Variants in DDX46 observed in about 807,000 individuals in gnomAD.
The protein encoded by DDX46 is DEAD-box helicase 46.
A neutral mutation model predicts 134.9 loss-of-function variants in DDX46; 30 were observed. The observed-to-expected ratio is 0.22, with a 90% CI of 0.17 to 0.30. The LOEUF (loss-of-function observed/expected upper bound fraction) is 0.30, where lower values mean the gene tolerates loss of function less well. DDX46 is among the 10% of genes least tolerant of loss of function. The probability of loss-of-function intolerance (pLI) is 1.00; values close to 1 mark genes in which losing one functional copy is unlikely to be tolerated. For missense variants in DDX46, 622 were observed against 1,248.7 expected (o/e 0.50, Z 7.56); for synonymous variants, 415 against 404.1 (o/e 1.03, Z -0.32).
chr5:134,792,060 C>T (rs1431678477), intron 13 of DDX46, among the ~76,000 whole-genome samples: 1 of 152,024 alleles, frequency 6.6e-6, no homozygotes, highest in Non-Finnish European at 1.5e-5. Flanking sequence ...GCCTGTAATC[C>T]CAGCTACTTG....
chr5:134,811,639 AT>A, intron 17 of DDX46, 56 bp from the exon 18 acceptor site: 1 of 1,519,874 alleles, frequency 6.6e-7, no homozygotes, highest in Non-Finnish European at 8.8e-7. Context: ...ATTAGTATGA[AT>A]TCCTAAACAT....
intron 4 of DDX46, 34 bp from the exon 5 acceptor site, chr5:134,773,662 T>A (rs1050693056): frequency 6.5e-7 from 1 of 1,547,326 alleles, no homozygotes; most frequent in African/African-American, 1.4e-5. Flanking sequence ...CTTTTTATTT[T>A]CCCCCATCTC....
At chr5:134,811,957 G>A (rs1755157396) in intron 18 of DDX46, 112 bp downstream of exon 18, 3 of 1,363,586 alleles carry the variant, frequency 2.2e-6, no homozygotes, top group South Asian at 3.2e-5. Context: ...TTTACAAGAG[G>A]TTGGTTCCAG....
intron 19 of DDX46, chr5:134,817,230 A>G (rs1755309847): frequency 2.6e-6 from 1 of 381,518 alleles, no homozygotes; most frequent in Admixed American, 4.3e-5. Flanking sequence ...AGAGTTAGCT[A>G]ATTATCAACT....
At chr5:134,805,008 G>T in intron 15 of DDX46, 2 of 390,564 alleles carry the variant, frequency 5.1e-6, no homozygotes, top group East Asian at 6.0e-5. Context: ...AGATTTTGGT[G>T]CTTTCCCAAC....
intron 15 of DDX46, among the ~76,000 whole-genome samples, chr5:134,806,322 G>A (rs1337755210): frequency 2.0e-5 from 3 of 152,030 alleles, no homozygotes; most frequent in African/African-American, 7.2e-5. Context: ...CTCATTTGAT[G>A]TATACCTGAC....
At chr5:134,812,447 T>A (rs1306877069) in intron 18 of DDX46, among the ~76,000 whole-genome samples, 2 of 152,098 alleles carry the variant, frequency 1.3e-5, no homozygotes, top group African/African-American at 4.8e-5. Flanking sequence ...TCAGAACACT[T>A]TTGGACATAT....
intron 16 of DDX46, among the ~76,000 whole-genome samples, chr5:134,809,380 T>G (rs1361338664): frequency 1.3e-5 from 2 of 152,148 alleles, no homozygotes; most frequent in African/African-American, 4.8e-5. Flanking sequence ...TTGTTTTTGT[T>G]TTTTTGAGAT....
chr5:134,776,401 AAAAG>A (rs1753938192), intron 5 of DDX46, among the ~76,000 whole-genome samples: 3 of 152,206 alleles, frequency 2.0e-5, no homozygotes, highest in Admixed American at 1.3e-4. Context: ...GAAAAAAAAA[AAAAG>A]AATTACGAGA....
intron 9 of DDX46, 108 bp downstream of exon 9, chr5:134,783,173 T>A: frequency 7.0e-7 from 1 of 1,420,374 alleles, no homozygotes; most frequent in Non-Finnish European, 9.5e-7. Context: ...AACCCTTACG[T>A]TTTAAAAAAC....
chr5:134,814,006 T>G (rs1755220365), intron 18 of DDX46, among the ~76,000 whole-genome samples: 1 of 152,218 alleles, frequency 6.6e-6, no homozygotes, highest in African/African-American at 2.4e-5. Context: ...TAGCCATGTT[T>G]TAAAAACATC....
intron 1 of DDX46, among the ~76,000 whole-genome samples, chr5:134,763,691 C>A (rs774084990): frequency 1.6e-4 from 24 of 152,154 alleles, no homozygotes; most frequent in Non-Finnish European, 2.8e-4. Flanking sequence ...TGTTCACTGT[C>A]CTTGCCTCTC....
intron 13 of DDX46, among the ~76,000 whole-genome samples, chr5:134,793,121 C>T (rs1042301740): frequency 6.6e-6 from 1 of 152,144 alleles, no homozygotes; most frequent in African/African-American, 2.4e-5. Flanking sequence ...AATACCTCTG[C>T]ACTCCAGCCT....
At chr5:134,770,684 C>T (rs1190391560) in intron 3 of DDX46, among the ~76,000 whole-genome samples, 3 of 151,994 alleles carry the variant, frequency 2.0e-5, no homozygotes, top group Non-Finnish European at 4.4e-5. Flanking sequence ...TGGTGGCTGG[C>T]ACCTGTAATC....
chr5:134,786,430 GGAAATATTCA>G, intron 11 of DDX46, among the ~76,000 whole-genome samples: 1 of 151,904 alleles, frequency 6.6e-6, no homozygotes, highest in East Asian at 1.9e-4. Flanking sequence ...TTACATATGA[GGAAATATTCA>G]GAAAGATTTA....
intron 21 of DDX46, 174 bp from the exon 22 acceptor site, chr5:134,826,773 A>G: frequency 1.9e-6 from 1 of 535,532 alleles, no homozygotes; most frequent in South Asian, 3.1e-5. Context: ...CAAAATAATA[A>G]GCAGCCATTA....
chr5:134,799,337 A>T (rs2150150619), intron 15 of DDX46, among the ~76,000 whole-genome samples: 1 of 150,562 alleles, frequency 6.6e-6, no homozygotes, highest in South Asian at 2.1e-4. Flanking sequence ...TTTCTGAGAC[A>T]GAGTCTCCCT....
intron 4 of DDX46, 43 bp downstream of exon 4, chr5:134,771,042 GTCTTTCTTTCTTTCTTT>G (rs746995340): frequency 2.6e-5 from 22 of 839,780 alleles, no homozygotes; most frequent in African/African-American, 2.5e-4. Flanking sequence ...CTTTCTTTTT[GTCTTTCTTTCTTTCTTT>G]TCTTTCTTTC....
chr5:134,819,132 A>G, intron 21 of DDX46, 128 bp downstream of exon 21: 2 of 984,126 alleles, frequency 2.0e-6, no homozygotes, highest in Admixed American at 3.5e-5. Context: ...TGAAAACAAA[A>G]TCTTATGACA....
Sources: allele counts gnomAD v4.1 joint callset (sites outside exome capture counted in the v4.1 genomes callset), GRCh38; gene constraint gnomAD v4.1.1; transcripts MANE v1.5; gene names NCBI Gene and HGNC (gene_info 2026-07-23, HGNC 2026-07-21).